The following UAP1 variants were observed in gnomAD, a reference collection of about 807,000 sequenced individuals.
UAP1 encodes UDP-N-acetylhexosamine pyrophosphorylase.
A neutral mutation model predicts 58.5 loss-of-function variants in UAP1; 25 were observed. That is an observed-to-expected ratio of 0.43 (90% CI 0.31 to 0.60). The LOEUF (loss-of-function observed/expected upper bound fraction) is 0.60. UAP1 is among the 20% of genes least tolerant of loss of function. The pLI is 0.11. For synonymous variants in UAP1, 208 were observed against 213.0 expected (o/e 0.98, Z 0.21); for missense variants, 575 against 630.0 (o/e 0.91, Z 0.93).
At position 162,571,468 on chromosome 1, in the gene UAP1, T is replaced by A. The variant is rs549237825; in HGVS notation, c.280+5120T>A. Among the ~76,000 whole-genome samples the A allele has an allele frequency of 4.6e-5, 7 of 152,246 alleles. No homozygotes were observed. In the South Asian group the frequency reaches 1.0e-3, roughly 23 times the overall value. ...CAATTTCAGTTTTGCCTGTGTTGAG[T>A]TCCCTTGTGTAGGAAAATTATTAAC... is the stretch of plus-strand genomic sequence containing the variant. On this transcript the variant is annotated intron_variant, in intron 2 of 10. Coordinates refer to ENST00000271469, the Ensembl canonical transcript of UAP1.
At chr1:162,596,016 TA>T (rs1385538853) in intron 9 of UAP1, among the ~76,000 whole-genome samples, 1 of 151,782 alleles carries the variant, frequency 6.6e-6, no homozygotes, top group African/African-American at 2.4e-5. Flanking sequence ...CAAGCCCAGC[TA>T]ATTTTTTGTA....
chr1:162,580,380 A>T (rs1369012187), intron 4 of UAP1, among the ~76,000 whole-genome samples: 1 of 152,366 alleles, frequency 6.6e-6, no homozygotes, highest in East Asian at 1.9e-4. Context: ...GAAAAACTGC[A>T]TACAGTCTAT....
At chr1:162,587,738 A>AT in intron 6 of UAP1, 70 bp downstream of exon 6, 1 of 1,457,942 alleles carries the variant, frequency 6.9e-7, no homozygotes, top group Non-Finnish European at 9.4e-7. Context: ...CTTGAGAGGG[A>AT]TGCAGACACC....
exon 2 of UAP1, chr1:162,566,184 C>T (rs1653485404): frequency 1.9e-6 from 3 of 1,613,990 alleles, no homozygotes; most frequent in Non-Finnish European, 2.5e-6. Flanking sequence ...GAGCTCCAGG[C>T]CATGAACTTT....
exon 11 of UAP1, chr1:162,599,619 C>T (rs926238272): frequency 3.3e-6 from 1 of 298,976 alleles, no homozygotes; most frequent in Non-Finnish European, 6.2e-6. Flanking sequence ...CATTGGCCAT[C>T]CAGGAAATTT....
intron 5 of UAP1, 143 bp downstream of exon 5, chr1:162,581,602 C>A (rs552145406): frequency 3.5e-4 from 271 of 785,132 alleles, no homozygotes; most frequent in Non-Finnish European, 4.5e-4. Flanking sequence ...CGGTCCCACA[C>A]CCACTTTTTT....
chr1:162,599,422 C>A, exon 11 of UAP1: 1 of 1,102,198 alleles, frequency 9.1e-7, no homozygotes, highest in Non-Finnish European at 1.4e-6. Flanking sequence ...GATAGACCAA[C>A]TGTGAACCTA....
chr1:162,565,866 T>C lies in UAP1; in HGVS notation c.-57-146T>C, dbSNP rs1370087063. 5 of 580,518 alleles carry C rather than the reference T, an allele frequency of 8.6e-6. No individual in the cohort carries two copies. The Admixed American group carries it at 1.6e-4, about 18-fold the overall frequency. 36.0% of individuals were successfully genotyped at this position (580,518 alleles called of 1,614,324 possible). A position where few individuals can be genotyped will look rare whatever the true frequency, so the allele number is the denominator to read the frequency against. On this transcript the variant is annotated intron_variant, in intron 1 of 10. Transcript: ENST00000271469. ...GGTACATATTATTGTCTTACAGGTTTGATCTCTTACAAATATTGAGTGATG... is the reference window on the plus strand; with the variant it reads ...GGTACATATTATTGTCTTACAGGTTCGATCTCTTACAAATATTGAGTGATG...
chr1:162,572,783 A>G (rs1049433769), intron 2 of UAP1, among the ~76,000 whole-genome samples: 1 of 152,178 alleles, frequency 6.6e-6, no homozygotes, highest in South Asian at 2.1e-4. Flanking sequence ...AGACATGACT[A>G]TTTGTCAACT....
intron 4 of UAP1, among the ~76,000 whole-genome samples, chr1:162,580,159 G>A (rs1308158439): frequency 5.9e-5 from 9 of 152,060 alleles, no homozygotes; most frequent in Admixed American, 5.9e-4. Flanking sequence ...GAGCCACCGC[G>A]CCCAGCCATA....
chr1:162,573,506 A>G (rs918059075), intron 2 of UAP1, among the ~76,000 whole-genome samples: 4 of 152,188 alleles, frequency 2.6e-5, no homozygotes, highest in Non-Finnish European at 5.9e-5. Context: ...CTTATTTTCA[A>G]ACTCTGATGA....
At position 162,562,296 on chromosome 1, in the gene UAP1, T is replaced by C. The variant is rs540168898; in HGVS notation, c.-58+519T>C. Among the ~76,000 whole-genome samples, 17 of 152,070 alleles carry C rather than the reference T, an allele frequency of 1.1e-4. No homozygotes were observed. The South Asian group carries it at 3.5e-3, about 32-fold the overall frequency. ...AGCGAGTTGGTGTGTCTTGAATATA[T>C]GAGGAAAAGATTTGAGAGGTCTGAC... On this transcript the variant is annotated intron_variant, in intron 1 of 10. Coordinates refer to ENST00000271469, the Ensembl canonical transcript of UAP1.
intron 9 of UAP1, among the ~76,000 whole-genome samples, chr1:162,594,558 G>A (rs1049689048): frequency 1.3e-5 from 2 of 152,172 alleles, no homozygotes; most frequent in African/African-American, 4.8e-5. Context: ...TGGGAACTGG[G>A]ATGCAGAGCC....
intron 2 of UAP1, among the ~76,000 whole-genome samples, chr1:162,573,439 C>T (rs987854567): frequency 3.9e-5 from 6 of 152,070 alleles, no homozygotes; most frequent in Admixed American, 1.3e-4. Flanking sequence ...ACAGTAACTG[C>T]CTCTTAGATT....
chr1:162,589,132 A>T (rs1343906593), intron 7 of UAP1, among the ~76,000 whole-genome samples: 103 of 108,420 alleles, frequency 9.5e-4, no homozygotes, highest in African/African-American at 3.5e-3. Context: ...TATATATATA[A>T]TTTATATATT....
exon 7 of UAP1, chr1:162,588,826 T>C: frequency 1.2e-6 from 2 of 1,612,270 alleles, no homozygotes; most frequent in Non-Finnish European, 1.7e-6. Context: ...CATCTTCCAG[T>C]TTGCAAAGTA....
intron 1 of UAP1, among the ~76,000 whole-genome samples, chr1:162,563,203 T>C (rs1393786700): frequency 6.6e-6 from 1 of 152,188 alleles, no homozygotes; most frequent in African/African-American, 2.4e-5. Flanking sequence ...GGCATGAAGG[T>C]GCTTATATCT....
chr1:162,597,444 G>C (rs1334979133), intron 9 of UAP1: 1 of 193,596 alleles, frequency 5.2e-6, no homozygotes, highest in Non-Finnish European at 1.1e-5. Flanking sequence ...ATTGGGCTTG[G>C]CATATAGTAT....
chr1:162,599,093 C>T, intron 10 of UAP1, among the ~76,000 whole-genome samples, 178 bp from the exon 11 acceptor site: 1 of 151,938 alleles, frequency 6.6e-6, no homozygotes, highest in East Asian at 1.9e-4. Flanking sequence ...TTGTTTTATG[C>T]TTTTACAAGT....
Sources: gnomAD v4.1 joint callset for allele counts (sites outside exome capture counted in the v4.1 genomes callset) on GRCh38, gnomAD v4.1.1 for gene constraint, MANE v1.5 for transcripts, NCBI Gene and HGNC (gene_info 2026-07-23, HGNC 2026-07-21) for gene names.